SLIT3: variants seen among roughly 807,000 people sequenced by gnomAD.
SLIT3 encodes the protein slit guidance ligand 3.
Under a neutral mutation model 184.0 loss-of-function variants are expected in SLIT3, and 68 were observed. That is an observed-to-expected ratio of 0.37 (90% CI 0.30 to 0.45). The LOEUF is 0.45. Among genes scored for constraint, SLIT3 ranks in the 20% least tolerant of loss-of-function variants. SLIT3 has a pLI of 1.00. For missense variants in SLIT3, 1,707 were observed against 2,026.0 expected, an observed-to-expected ratio of 0.84 and a Z score of 3.02; for synonymous variants, 831 against 828.6, an observed-to-expected ratio of 1.00 and a Z score of -0.05.
intron 3 of SLIT3, among the ~76,000 whole-genome samples, chr5:169,226,116 C>T (rs1431896337): frequency 1.3e-5 from 2 of 152,144 alleles, no homozygotes; most frequent in Non-Finnish European, 2.9e-5. Flanking sequence ...CTCTGCCAGC[C>T]CCTGGGTGTA....
chr5:168,912,716 A>G (rs527673810), intron 4 of SLIT3, among the ~76,000 whole-genome samples: 49 of 152,302 alleles, frequency 3.2e-4, no homozygotes, highest in African/African-American at 1.1e-3. Context: ...TATTTTATGC[A>G]TTTTATGAAG....
intron 10 of SLIT3, among the ~76,000 whole-genome samples, chr5:168,794,787 C>T (rs536574088): frequency 3.3e-5 from 5 of 152,280 alleles, no homozygotes; most frequent in East Asian, 1.9e-4. Flanking sequence ...CACAAACCAT[C>T]GACACATGCT....
At position 168,997,130 on chromosome 5, in the gene SLIT3, C is replaced by T. The variant is rs534404133; in HGVS notation, c.414-113794G>A. 5.3e-5 allele frequency among the ~76,000 whole-genome samples: 8 copies of T among 152,200 alleles called. No homozygotes were observed. In the South Asian group the frequency reaches 8.3e-4, roughly 16 times the overall value. On this transcript the variant is annotated intron_variant, in intron 4 of 35. Transcript: ENST00000519560. ...TGCCTGGTGCACTAGGGGACTGTGA[C>T]GCATCGCGTGCCCCTTCTCTAAGAG...
At chr5:168,931,372 T>G (rs866877782) in intron 4 of SLIT3, among the ~76,000 whole-genome samples, 1 of 152,226 alleles carries the variant, frequency 6.6e-6, no homozygotes, top group African/African-American at 2.4e-5. Flanking sequence ...GATCTTTCTA[T>G]CCATCCGTCA....
intron 4 of SLIT3, among the ~76,000 whole-genome samples, chr5:168,921,889 CATTTAATTAT>C (rs1761647281): frequency 7.0e-6 from 1 of 142,280 alleles, no homozygotes; most frequent in African/African-American, 2.7e-5. Flanking sequence ...GGTCTAAGCT[CATTTAATTAT>C]GAGCTCATTT....
chr5:169,010,164 C>T (rs535111249), intron 4 of SLIT3, among the ~76,000 whole-genome samples: 2 of 152,256 alleles, frequency 1.3e-5, no homozygotes, highest in East Asian at 1.9e-4. Flanking sequence ...AAAAAAGTGG[C>T]GGTGTGGAAT....
chr5:168,871,247 A>T (rs1456620686), intron 5 of SLIT3, among the ~76,000 whole-genome samples: 3 of 152,168 alleles, frequency 2.0e-5, no homozygotes, highest in Admixed American at 6.5e-5. Flanking sequence ...GGATCCCCTC[A>T]AATAATCCAG....
At chr5:168,967,531 C>T (rs1378011298) in intron 4 of SLIT3, among the ~76,000 whole-genome samples, 1 of 118,028 alleles carries the variant, frequency 8.5e-6, no homozygotes, top group African/African-American at 3.0e-5. Flanking sequence ...GCTCCGCCTC[C>T]CGGGTTCACG....
chr5:168,958,619 C>T (rs1762910478), intron 4 of SLIT3, among the ~76,000 whole-genome samples: 2 of 152,194 alleles, frequency 1.3e-5, no homozygotes, highest in African/African-American at 4.8e-5. Flanking sequence ...ATGACACTTC[C>T]ACCTTTCACA....
At chr5:168,857,885 T>A (rs961577747) in intron 5 of SLIT3, among the ~76,000 whole-genome samples, 4 of 152,192 alleles carry the variant, frequency 2.6e-5, no homozygotes, top group African/African-American at 9.6e-5. Flanking sequence ...GAGATTCACG[T>A]AGGAGTTCTT....
intron 4 of SLIT3, among the ~76,000 whole-genome samples, chr5:169,166,625 C>T (rs1010177701): frequency 6.6e-6 from 1 of 152,138 alleles, no homozygotes; most frequent in African/African-American, 2.4e-5. Context: ...TATTACCATG[C>T]CCTCTTCAAC....
intron 4 of SLIT3, among the ~76,000 whole-genome samples, chr5:169,101,564 GCCT>G (rs1370929151): frequency 6.6e-6 from 1 of 152,134 alleles, no homozygotes; most frequent in Non-Finnish European, 1.5e-5. Context: ...CCTACACCTT[GCCT>G]CCTCAATTCA....
At chr5:169,291,293 G>A (rs1767355885) in intron 1 of SLIT3, among the ~76,000 whole-genome samples, 2 of 152,168 alleles carry the variant, frequency 1.3e-5, no homozygotes, top group Non-Finnish European at 2.9e-5. Context: ...AGATGCTTGA[G>A]GCGGAAAATA....
In SLIT3 at chr5:168,737,057, T is replaced by C. The variant is rs183250648; in HGVS notation, c.2270+11245A>G. 3.6e-4 allele frequency among the ~76,000 whole-genome samples: 55 copies of C among 152,228 alleles called. 3 individuals are homozygous for C. In the East Asian group the frequency reaches 0.011, roughly 29 times the overall value. Reference sequence around the variant, plus strand: ...AATGCTCTAGAAATGGTGGCTGTGGTGGTTTGTAGCATAGGCAGGACATTC... The same window carrying C: ...AATGCTCTAGAAATGGTGGCTGTGGCGGTTTGTAGCATAGGCAGGACATTC... On this transcript the variant is annotated intron_variant, in intron 20 of 35. Coordinates refer to ENST00000519560, the MANE Select transcript of SLIT3 (RefSeq NM_003062.4).
intron 4 of SLIT3, among the ~76,000 whole-genome samples, chr5:169,139,615 C>A (rs1241477834): frequency 6.6e-6 from 1 of 152,122 alleles, no homozygotes; most frequent in Non-Finnish European, 1.5e-5. Flanking sequence ...GTTGAGCAAT[C>A]AAAACAAAAC....
chr5:169,276,774 T>C (rs1044909264), intron 1 of SLIT3, among the ~76,000 whole-genome samples: 4 of 152,214 alleles, frequency 2.6e-5, no homozygotes, highest in African/African-American at 9.6e-5. Context: ...GTGCATCTAC[T>C]ATAGGCTGGG....
intron 6 of SLIT3, among the ~76,000 whole-genome samples, chr5:168,825,719 GA>G (rs1385630582): frequency 6.6e-6 from 1 of 152,228 alleles, no homozygotes; most frequent in Non-Finnish European, 1.5e-5. Context: ...TGTCCATCCA[GA>G]AAGCTTCCAG....
chr5:169,120,943 C>G (rs1476600990), intron 4 of SLIT3, among the ~76,000 whole-genome samples: 1 of 152,146 alleles, frequency 6.6e-6, no homozygotes, highest in East Asian at 1.9e-4. Flanking sequence ...AGCCCCCATT[C>G]CTTGGTAATT....
intron 5 of SLIT3, among the ~76,000 whole-genome samples, chr5:168,877,380 G>A (rs1759771473): frequency 6.6e-6 from 1 of 152,146 alleles, no homozygotes; most frequent in Admixed American, 6.5e-5. Flanking sequence ...GGAGCTTGGG[G>A]TGTTCAGGGA....
Sources: allele counts gnomAD v4.1 joint callset (sites outside exome capture counted in the v4.1 genomes callset), GRCh38; gene constraint gnomAD v4.1.1; transcripts MANE v1.5; gene names NCBI Gene and HGNC (gene_info 2026-07-23, HGNC 2026-07-21).